ATOSA: variants seen among roughly 807,000 people sequenced by gnomAD.
The protein encoded by ATOSA is atos homolog A.
chr15:52,610,198 C>A, the ATOSA span: 24 of 1,613,934 alleles, frequency 1.5e-5, no homozygotes, highest in Middle Eastern at 1.6e-4. Context: ...TTGTTGAATT[C>A]TTTTCTCATA....
the ATOSA span, among the ~76,000 whole-genome samples, chr15:52,637,204 G>A: frequency 3.3e-5 from 5 of 152,132 alleles, no homozygotes; most frequent in African/African-American, 4.8e-5. Context: ...ATGATTAGAA[G>A]TGAAGTACAT....
At chr15:52,588,179 C>T in the ATOSA span, among the ~76,000 whole-genome samples, 5 of 152,142 alleles carry the variant, frequency 3.3e-5, no homozygotes, top group Admixed American at 2.6e-4. Flanking sequence ...CTTCCCAGAC[C>T]TTACAAAGTC....
chr15:52,647,998 C>T, the ATOSA span, among the ~76,000 whole-genome samples: 4 of 152,138 alleles, frequency 2.6e-5, no homozygotes, highest in Non-Finnish European at 4.4e-5. Flanking sequence ...CCTTAGGAAA[C>T]TGAGAAACCT....
chr15:52,601,147 G>A, the ATOSA span: 1 of 1,540,740 alleles, frequency 6.5e-7, no homozygotes, highest in Non-Finnish European at 8.7e-7. Context: ...CAACCTGATT[G>A]TGTTTTTCTT....
the ATOSA span, among the ~76,000 whole-genome samples, chr15:52,668,783 G>T: frequency 6.6e-6 from 1 of 151,312 alleles, no homozygotes; most frequent in African/African-American, 2.4e-5. Context: ...TGTCTATCTA[G>T]CCCACCCACC....
the ATOSA span, among the ~76,000 whole-genome samples, chr15:52,642,061 A>C: frequency 3.9e-5 from 6 of 152,216 alleles, no homozygotes; most frequent in Admixed American, 3.9e-4. Flanking sequence ...ATTATGATCA[A>C]GCAATTATTT....
At chr15:52,685,623 G>A in the ATOSA span, among the ~76,000 whole-genome samples, 1 of 152,056 alleles carries the variant, frequency 6.6e-6, no homozygotes, top group African/African-American at 2.4e-5. Flanking sequence ...TTGTTGAGAA[G>A]GAGTTTTGCC....
the ATOSA span, among the ~76,000 whole-genome samples, chr15:52,602,363 A>G: frequency 6.6e-6 from 1 of 152,112 alleles, no homozygotes; most frequent in African/African-American, 2.4e-5. Context: ...TTAACTCTCA[A>G]ATTGCTCTGA....
At chr15:52,659,473 T>C in the ATOSA span, among the ~76,000 whole-genome samples, 1 of 152,234 alleles carries the variant, frequency 6.6e-6, no homozygotes, top group Admixed American at 6.5e-5. Flanking sequence ...AAAATATGGG[T>C]GTTTGGTAGA....
At chr15:52,678,425 C>A in the ATOSA span, 2 of 204,768 alleles carry the variant, frequency 9.8e-6, no homozygotes, top group Non-Finnish European at 2.0e-5. Flanking sequence ...GCAACACAAA[C>A]TAACCCCTTC....
the ATOSA span, among the ~76,000 whole-genome samples, chr15:52,662,561 G>A: frequency 6.6e-6 from 1 of 152,106 alleles, no homozygotes; most frequent in East Asian, 1.9e-4. Flanking sequence ...ACAAGGTCAG[G>A]AGATCGAGAC....
chr15:52,611,302 G>T, the ATOSA span: 2 of 1,596,816 alleles, frequency 1.3e-6, no homozygotes, highest in South Asian at 1.1e-5. Flanking sequence ...AGTACAAAAT[G>T]ACTGAATTTT....
chr15:52,678,329 A>C, the ATOSA span: 2 of 550,108 alleles, frequency 3.6e-6, no homozygotes, highest in East Asian at 5.9e-5. Flanking sequence ...TCTCCAGGCC[A>C]ATGTGTCCTT....
chr15:52,613,830 T>C, the ATOSA span: 10 of 1,613,826 alleles, frequency 6.2e-6, no homozygotes, highest in East Asian at 2.0e-4. Context: ...CTCCTCTGCA[T>C]CATATTCAAA....
chr15:52,598,900 T>G, the ATOSA span, among the ~76,000 whole-genome samples: 7 of 152,248 alleles, frequency 4.6e-5, no homozygotes, highest in East Asian at 1.3e-3. Flanking sequence ...ATCCGGTTGT[T>G]TAAAAGCATA....
At chr15:52,672,350 TGAAAAA>T in the ATOSA span, among the ~76,000 whole-genome samples, 169 of 151,776 alleles carry the variant, frequency 1.1e-3, no homozygotes, top group Middle Eastern at 6.8e-3. Flanking sequence ...CCCCATCCCA[TGAAAAA>T]GAAAAAGAAA....
the ATOSA span, among the ~76,000 whole-genome samples, chr15:52,688,192 T>C: frequency 6.6e-6 from 1 of 152,214 alleles, no homozygotes; most frequent in African/African-American, 2.4e-5. Context: ...GTAGCTATAG[T>C]AGTGAATTTG....
At chr15:52,605,040 A>G in the ATOSA span, 1 of 851,398 alleles carries the variant, frequency 1.2e-6, no homozygotes. Flanking sequence ...AAAGATATTT[A>G]AATTTTTTTC....
At chr15:52,649,268 A>T in the ATOSA span, among the ~76,000 whole-genome samples, 10 of 152,180 alleles carry the variant, frequency 6.6e-5, no homozygotes, top group Non-Finnish European at 1.2e-4. Context: ...AAATTTCCGC[A>T]AGGAAGAGTC....
Sources: allele counts gnomAD v4.1 joint callset (sites outside exome capture counted in the v4.1 genomes callset), GRCh38; gene constraint gnomAD v4.1.1; transcripts MANE v1.5; gene names NCBI Gene and HGNC (gene_info 2026-07-23, HGNC 2026-07-21).